Variants in PAPSS1 observed in about 807,000 individuals in gnomAD.
PAPSS1 encodes the protein bifunctional 3'-phosphoadenosine 5'-phosphosulfate synthase 1.
Under a neutral mutation model 72.0 loss-of-function variants are expected in PAPSS1, and 50 were observed. The ratio of observed to expected loss-of-function variants is 0.69; its 90% CI spans 0.55 to 0.88. The LOEUF (loss-of-function observed/expected upper bound fraction) is 0.88. Ranked by LOEUF, PAPSS1 falls within the 40% of genes least tolerant of loss-of-function variation. The probability of loss-of-function intolerance (pLI) is 0.00; values close to 1 mark genes in which losing one functional copy is unlikely to be tolerated. For missense variants in PAPSS1, 657 were observed against 782.2 expected (o/e 0.84, Z 1.91); for synonymous variants, 261 against 263.6 (o/e 0.99, Z 0.09).
chr4:107,687,652 A>C (rs907833043), intron 3 of PAPSS1, among the ~76,000 whole-genome samples: 4 of 152,114 alleles, frequency 2.6e-5, no homozygotes, highest in African/African-American at 9.7e-5. Context: ...CCCCAAACTT[A>C]ACTTTTCTGC....
chr4:107,670,868 A>C (rs1313266163), intron 5 of PAPSS1, among the ~76,000 whole-genome samples: 1 of 152,200 alleles, frequency 6.6e-6, no homozygotes, highest in Non-Finnish European at 1.5e-5. Flanking sequence ...TCAATTCTAT[A>C]AACAATGGAA....
chr4:107,616,490 T>A (rs985204749), intron 11 of PAPSS1, among the ~76,000 whole-genome samples: 4 of 152,150 alleles, frequency 2.6e-5, no homozygotes, highest in Non-Finnish European at 4.4e-5. Context: ...TGACCAGTGA[T>A]AAGGTGGTTT....
At chr4:107,672,461 C>T (rs867980518) in intron 5 of PAPSS1, among the ~76,000 whole-genome samples, 10 of 152,174 alleles carry the variant, frequency 6.6e-5, no homozygotes, top group South Asian at 2.1e-4. Flanking sequence ...CACGGAGCCT[C>T]GCTCATTGCT....
chr4:107,634,988 C>CG (rs1209197322), intron 10 of PAPSS1, among the ~76,000 whole-genome samples: 1 of 151,602 alleles, frequency 6.6e-6, no homozygotes. Context: ...TTAGTAGAGA[C>CG]GGGGTTTTAC....
At chr4:107,636,849 A>T (rs1553918758) in intron 10 of PAPSS1, among the ~76,000 whole-genome samples, 1 of 152,212 alleles carries the variant, frequency 6.6e-6, no homozygotes, top group Non-Finnish European at 1.5e-5. Context: ...AAATAAACAG[A>T]TTATTTGTTT....
intron 5 of PAPSS1, among the ~76,000 whole-genome samples, chr4:107,672,154 G>T (rs369212960): frequency 6.6e-6 from 1 of 152,318 alleles, no homozygotes; most frequent in East Asian, 1.9e-4. Context: ...GCAGAAGACG[G>T]GTGATTTCTG....
chr4:107,716,869 G>A (rs762873923), intron 1 of PAPSS1, among the ~76,000 whole-genome samples: 5 of 152,178 alleles, frequency 3.3e-5, no homozygotes, highest in Middle Eastern at 3.4e-3. Flanking sequence ...TGTCTCCCAC[G>A]AGTACACTTC....
chr4:107,666,780 A>G (rs1727329200), intron 5 of PAPSS1, among the ~76,000 whole-genome samples: 1 of 152,334 alleles, frequency 6.6e-6, no homozygotes, highest in East Asian at 1.9e-4. Context: ...TTTTTCCATG[A>G]AGACAGTGCT....
At chr4:107,692,798 C>A (rs1296525141) in intron 3 of PAPSS1, among the ~76,000 whole-genome samples, 1 of 145,904 alleles carries the variant, frequency 6.9e-6, no homozygotes, top group Non-Finnish European at 1.5e-5. Flanking sequence ...ATATATATAT[C>A]ATGGAATACT....
rs2726653 is a variant in PAPSS1, at chr4:107,651,730, C to T, written c.1237+1761G>A. ...ACCTCCCACTGGGTCCTTTCCATGACAGGTGGGGATTATAGGAACTACAAT... is the reference window on the plus strand; with the variant it reads ...ACCTCCCACTGGGTCCTTTCCATGATAGGTGGGGATTATAGGAACTACAAT... On this transcript the variant is annotated intron_variant, in intron 9 of 11. Transcript: ENST00000265174. Among the ~76,000 whole-genome samples, 33 of 152,256 alleles carry T rather than the reference C, an allele frequency of 2.2e-4. No individual in the cohort carries two copies. In the East Asian group the frequency reaches 6.0e-3, roughly 28 times the overall value.
intron 11 of PAPSS1, among the ~76,000 whole-genome samples, chr4:107,626,420 T>C (rs924867702): frequency 2.0e-5 from 3 of 152,124 alleles, no homozygotes; most frequent in Non-Finnish European, 4.4e-5. Context: ...GGGGAAAAAA[T>C]ACAAATAAGA....
intron 3 of PAPSS1, among the ~76,000 whole-genome samples, chr4:107,689,827 A>G (rs1244883087): frequency 1.3e-5 from 2 of 152,174 alleles, no homozygotes; most frequent in Non-Finnish European, 2.9e-5. Flanking sequence ...CACTTCAAAC[A>G]TAACCCACCA....
At chr4:107,659,332 G>C (rs182979695) in intron 6 of PAPSS1, among the ~76,000 whole-genome samples, 211 of 152,160 alleles carry the variant, frequency 1.4e-3, no homozygotes, top group African/African-American at 4.8e-3. Flanking sequence ...GGGTATTTTG[G>C]ATTTTTACTA....
At chr4:107,706,159 G>T (rs1723335692) in intron 1 of PAPSS1, among the ~76,000 whole-genome samples, 1 of 152,096 alleles carries the variant, frequency 6.6e-6, no homozygotes, top group African/African-American at 2.4e-5. Context: ...TAGAACTTTT[G>T]ATCTTCCTGT....
chr4:107,704,580 T>C (rs1468123034), intron 1 of PAPSS1, among the ~76,000 whole-genome samples: 1 of 152,238 alleles, frequency 6.6e-6, no homozygotes, highest in Admixed American at 6.5e-5. Flanking sequence ...CTCTTTCAAA[T>C]AATTTTTCTG....
intron 10 of PAPSS1, among the ~76,000 whole-genome samples, chr4:107,636,566 G>A (rs945045307): frequency 6.6e-6 from 1 of 152,074 alleles, no homozygotes; most frequent in Non-Finnish European, 1.5e-5. Flanking sequence ...GAAATCAAAG[G>A]GGGTAACACT....
chr4:107,641,680 A>T (rs1047413590), intron 10 of PAPSS1, among the ~76,000 whole-genome samples: 1 of 152,156 alleles, frequency 6.6e-6, no homozygotes, highest in Admixed American at 6.5e-5. Context: ...GGTACTTTCA[A>T]TTTCTTTATA....
At chr4:107,659,919 A>G in intron 6 of PAPSS1, 40 bp downstream of exon 6, 1 of 1,091,146 alleles carries the variant, frequency 9.2e-7, no homozygotes, top group Non-Finnish European at 1.4e-6. Context: ...ACTGTATATA[A>G]GGCTGTATCA....
intron 1 of PAPSS1, among the ~76,000 whole-genome samples, chr4:107,705,287 T>C (rs768878269): frequency 9.2e-5 from 14 of 152,214 alleles, no homozygotes; most frequent in Non-Finnish European, 1.9e-4. Flanking sequence ...GTAATCTCCA[T>C]GTGTGGAGGG....
Sources: allele counts gnomAD v4.1 joint callset (sites outside exome capture counted in the v4.1 genomes callset), GRCh38; gene constraint gnomAD v4.1.1; transcripts MANE v1.5; gene names NCBI Gene and HGNC (gene_info 2026-07-23, HGNC 2026-07-21).